PRELID1: variants seen among roughly 807,000 people sequenced by gnomAD.
PRELID1 encodes the protein PRELI domain-containing protein 1, mitochondrial.
In PRELID1, 15 loss-of-function variants were observed where a neutral mutation model predicts 29.0. That is an observed-to-expected ratio of 0.52 (90% CI 0.35 to 0.80). The LOEUF is 0.80. Ranked by LOEUF, PRELID1 falls within the 30% of genes least tolerant of loss-of-function variation. The pLI is 0.01. For synonymous variants in PRELID1, 79 were observed against 106.5 expected (o/e 0.74, Z 1.59); for missense variants, 187 against 275.9 (o/e 0.68, Z 2.28).
At chr5:177,305,137 C>T (rs1267567206) in intron 2 of PRELID1, among the ~76,000 whole-genome samples, 1 of 151,942 alleles carries the variant, frequency 6.6e-6, no homozygotes, top group African/African-American at 2.4e-5. Flanking sequence ...CATCTGGCAT[C>T]TATGGCACAG....
In PRELID1 at chr5:177,304,703, C is replaced by G. The variant is rs758756361; in HGVS notation, c.171C>G (p.Thr57=). 1.9e-5 allele frequency: 31 copies of G among 1,614,030 alleles called. No homozygotes were observed. The Middle Eastern group carries it at 3.6e-3, about 189-fold the overall frequency. The change falls in exon 2 of 5, where the codon ACC becomes ACG. Residue 57 remains threonine, a synonymous_variant. Coordinates refer to ENST00000303204, the MANE Select transcript of PRELID1 (RefSeq NM_013237.4). ...AACTGCTGTCCCGGCGACTCCTGAC[C>G]AAGACCAACAGGATGCCACGCTGGG... ...DQKLLSRRLL[T]KTNRMPRWAE... is the part of the protein sequence containing the mutation.
rs748071107 is a variant in PRELID1, at chr5:177,306,662, G to A, written c.*92G>A. On this transcript the variant is annotated 3_prime_UTR_variant, in exon 5 of 5. Transcript: ENST00000303204. ...CTTTATCATTAAAAATCAACTTCCA[G>A]CCCTGTCTGCTGTCTACGTGGTGGG... 2.7e-6 allele frequency: 4 copies of A among 1,500,948 alleles called. No homozygotes were observed. The highest frequency in any genetic ancestry group is 1.7e-4 in the Middle Eastern group (1 of 5,792). The allele number at this position is 1,500,948 out of a possible 1,614,324, so 93.0% of individuals were successfully genotyped here.
rs1474499090 is a variant in PRELID1, at chr5:177,306,628, T to C, written c.*58T>C. ...CTAGGCTTAGCCTCTCTGCCCTCCC[T>C]TCATTGTACTTTATCATTAAAAATC... On this transcript the variant is annotated 3_prime_UTR_variant, in exon 5 of 5. Coordinates refer to ENST00000303204, the MANE Select transcript of PRELID1 (RefSeq NM_013237.4). 1 of 1,555,470 alleles carries C rather than the reference T, an allele frequency of 6.4e-7. No individual in the cohort carries two copies. Among genetic ancestry groups the C allele is most frequent in the Non-Finnish European group, 8.7e-7 (1 of 1,148,516 alleles).
At chr5:177,304,198 G>T in intron 1 of PRELID1, 121 bp downstream of exon 1, 1 of 1,023,850 alleles carries the variant, frequency 9.8e-7, no homozygotes, top group East Asian at 2.6e-5. Context: ...AGACCTTATC[G>T]GGGAAGCGGC....
chr5:177,304,923 C>T, intron 2 of PRELID1, 73 bp downstream of exon 2: 1 of 1,401,606 alleles, frequency 7.1e-7, no homozygotes, highest in Non-Finnish European at 9.8e-7. Context: ...TCCTCAGATA[C>T]ATGTGGCTAG....
rs1265802223 is a variant in PRELID1, at chr5:177,303,953, T to C, written c.-33T>C. 1 of 1,590,234 alleles carries C rather than the reference T, an allele frequency of 6.3e-7. No individual in the cohort carries two copies. Among genetic ancestry groups the C allele is most frequent in the South Asian group, 1.1e-5 (1 of 90,108 alleles). ...CTCCCAGGCTCCGCACCCCTGATGC[T>C]GCGCGGGTGCTGAGCCCGCTTCGGC... is the stretch of plus-strand genomic sequence containing the variant. On this transcript the variant is annotated 5_prime_UTR_variant, in exon 1 of 5. Coordinates refer to ENST00000303204, the MANE Select transcript of PRELID1 (RefSeq NM_013237.4). This position sits in a 1 kb window ranked among gnomAD's most constrained non-coding sequence, Gnocchi z 6.1.
At chr5:177,304,181 C>A in intron 1 of PRELID1, 104 bp downstream of exon 1, 1 of 1,102,702 alleles carries the variant, frequency 9.1e-7, no homozygotes, top group Admixed American at 2.0e-5. Flanking sequence ...GATATCGAAT[C>A]CTAGGTAGAC....
Position 177,306,600 on chromosome 5 carries a change from C to G in PRELID1, c.*30C>G. The G allele has an allele frequency of 6.2e-7, 1 of 1,600,812 alleles. No individual in the cohort carries two copies. The highest frequency in any genetic ancestry group is 8.5e-7 in the Non-Finnish European group (1 of 1,173,854). The stretch of plus-strand genomic sequence containing the variant: ...TCTACCACCACCACAGCACCCCAGA[C>G]AGCTAGGCTTAGCCTCTCTGCCCTC... On this transcript the variant is annotated 3_prime_UTR_variant, in exon 5 of 5. Transcript: ENST00000303204.
At position 177,306,823 on chromosome 5, in the gene PRELID1, C is replaced by T. The variant is rs561463924; in HGVS notation, c.*253C>T. On this transcript the variant is annotated 3_prime_UTR_variant, in exon 5 of 5. Transcript: ENST00000303204. The stretch of plus-strand genomic sequence containing the variant: ...GTGACTTGCCCGGGGCTCCAGGTAG[C>T]CTGCAGGTTAACTGGCGGTAAGTGC... 4 of 751,006 alleles carry T rather than the reference C, an allele frequency of 5.3e-6. No individual in the cohort carries two copies. The highest frequency in any genetic ancestry group is 2.9e-5 in the Admixed American group (1 of 34,034). The allele number at this position is 751,006 out of a possible 1,614,324, so 46.5% of individuals were successfully genotyped here. A position where few individuals can be genotyped will look rare whatever the true frequency, so the allele number is the denominator to read the frequency against.
chr5:177,304,342 G>C (rs962092969), intron 1 of PRELID1: 1 of 599,228 alleles, frequency 1.7e-6, no homozygotes, highest in East Asian at 2.8e-5. Flanking sequence ...AGGGATCTTG[G>C]AGTTGGAAAT....
chr5:177,306,240 A>G, intron 4 of PRELID1, 64 bp downstream of exon 4: 1 of 1,573,144 alleles, frequency 6.4e-7, no homozygotes, highest in Non-Finnish European at 8.7e-7. Flanking sequence ...GCGGGCGTGG[A>G]GTCTGGGTTA....
chr5:177,304,900 C>A (rs777240476), intron 2 of PRELID1, 50 bp downstream of exon 2: 15 of 1,472,880 alleles, frequency 1.0e-5, no homozygotes, highest in African/African-American at 1.4e-5. Flanking sequence ...CCCCTCCCCC[C>A]GAGATAGAGA....
In PRELID1 at chr5:177,304,858, ACCT is replaced by A. The variant is rs2127298636; in HGVS notation, c.318+12_318+14del. ...AACCACGCCCGGCTGATGGTGAGAC[ACCT>A]CCTGTTGTGATTCTGCACCTCCCCC... is the stretch of plus-strand genomic sequence containing the variant. On this transcript the variant is annotated intron_variant, in intron 2 of 4. Transcript: ENST00000303204. 1 of 1,595,474 alleles carries A rather than the reference ACCT, an allele frequency of 6.3e-7. No homozygotes were observed. Among genetic ancestry groups the A allele is most frequent in the East Asian group, 2.3e-5 (1 of 44,358 alleles).
intron 3 of PRELID1, 33 bp from the exon 4 acceptor site, chr5:177,306,065 C>T: frequency 6.2e-7 from 1 of 1,602,692 alleles, no homozygotes; most frequent in Non-Finnish European, 8.6e-7. Flanking sequence ...CAGTGGGCAA[C>T]TCAGTATCCT....
In PRELID1 at chr5:177,303,958, G is replaced by A. The variant is rs1422044464; in HGVS notation, c.-28G>A. 2 of 1,597,926 alleles carry A rather than the reference G, an allele frequency of 1.3e-6. No individual in the cohort carries two copies. The highest frequency in any genetic ancestry group is 1.3e-5 in the African/African-American group (1 of 74,714). On this transcript the variant is annotated 5_prime_UTR_variant, in exon 1 of 5. Coordinates refer to ENST00000303204, the MANE Select transcript of PRELID1 (RefSeq NM_013237.4). This position sits in a 1 kb window ranked among gnomAD's most constrained non-coding sequence, Gnocchi z 6.1. ...AGGCTCCGCACCCCTGATGCTGCGC[G>A]GGTGCTGAGCCCGCTTCGGCCGGGA...
intron 4 of PRELID1, 35 bp from the exon 5 acceptor site, chr5:177,306,387 A>G (rs1057354418): frequency 1.3e-5 from 21 of 1,613,318 alleles, no homozygotes; most frequent in Non-Finnish European, 1.6e-5. Context: ...TCTTTCAGGC[A>G]TCTTCTAAAG....
chr5:177,304,527 C>T, intron 1 of PRELID1, 98 bp from the exon 2 acceptor site: 1 of 1,010,434 alleles, frequency 9.9e-7, no homozygotes, highest in Non-Finnish European at 1.5e-6. Flanking sequence ...TACGGGAAGG[C>T]GTGGCCTCTC....
Position 177,304,675 on chromosome 5 carries a change from A to G in PRELID1, c.143A>G (p.Gln48Arg), listed in dbSNP as rs757263307. 1.2e-6 allele frequency: 2 copies of G among 1,614,108 alleles called. No homozygotes were observed. Among genetic ancestry groups the G allele is most frequent in the East Asian group, 4.5e-5 (2 of 44,878 alleles). The change falls in exon 2 of 5, where the codon CAG (glutamine) becomes CGG (arginine). Residue 48 changes from glutamine to arginine, a missense_variant. Physicochemically the swap from Gln to Arg is conservative, Grantham distance 43. Transcript: ENST00000303204. Reference protein sequence around the residue: ...DIVHREVTPDQKLLSRRLLTK... With the variant: ...DIVHREVTPDRKLLSRRLLTK... ...GTACACCGGGAGGTGACCCCTGACC[A>G]GAAACTGCTGTCCCGGCGACTCCTG... is the stretch of plus-strand genomic sequence containing the variant.
In PRELID1 at chr5:177,304,985, T is replaced by G. The variant is rs115791518; in HGVS notation, c.318+135T>G. 2.2e-4 allele frequency: 177 copies of G among 798,752 alleles called. No individual in the cohort carries two copies. The African/African-American group carries it at 2.7e-3, about 12-fold the overall frequency. 49.5% of individuals were successfully genotyped at this position (798,752 alleles called of 1,614,324 possible). On this transcript the variant is annotated intron_variant, in intron 2 of 4. Transcript: ENST00000303204. ...GGAGGCAGGTCTGGGTTACTGAGGG[T>G]TGACAGCTGTAGAGTATGACCTCAG...
Sources: gnomAD v4.1 joint callset for allele counts (sites outside exome capture counted in the v4.1 genomes callset) on GRCh38, gnomAD v4.1.1 for gene constraint, Gnocchi (gnomAD v3.1) non-coding constraint, MANE v1.5 for transcripts, NCBI Gene and HGNC (gene_info 2026-07-23, HGNC 2026-07-21) for gene names.